HADHB: variants seen among roughly 807,000 people sequenced by gnomAD.
HADHB encodes trifunctional enzyme subunit beta, mitochondrial.
HADHB carries 50 observed loss-of-function variants against 61.9 expected under a neutral mutation model. The ratio of observed to expected loss-of-function variants is 0.81; its 90% CI spans 0.64 to 1.02. The LOEUF (loss-of-function observed/expected upper bound fraction) is 1.02. Among genes scored for constraint, HADHB ranks in the 50% least tolerant of loss-of-function variants. HADHB has a pLI of 0.00. For missense variants in HADHB, 504 were observed against 586.5 expected (o/e 0.86, Z 1.45); for synonymous variants, 191 against 201.6 (o/e 0.95, Z 0.45).
intron 6 of HADHB, 122 bp from the exon 7 acceptor site, chr2:26,276,951 T>C: frequency 1.5e-6 from 1 of 685,956 alleles, no homozygotes; most frequent in Non-Finnish European, 2.7e-6. Context: ...ATTTTAAATA[T>C]TGCTCTGGAG....
intron 5 of HADHB, among the ~76,000 whole-genome samples, chr2:26,273,184 T>C (rs1158139581): frequency 6.6e-6 from 1 of 152,142 alleles, no homozygotes; most frequent in East Asian, 1.9e-4. Context: ...ACAACTAGAA[T>C]ATATGTATTA....
chr2:26,258,375 G>A (rs1227694259), intron 3 of HADHB, among the ~76,000 whole-genome samples: 1 of 152,196 alleles, frequency 6.6e-6, no homozygotes, highest in Non-Finnish European at 1.5e-5. Context: ...AGCTCTATTA[G>A]AAGCCATGGG....
chr2:26,271,584 A>G (rs1411915204), intron 5 of HADHB, among the ~76,000 whole-genome samples: 2 of 152,172 alleles, frequency 1.3e-5, no homozygotes, highest in East Asian at 1.9e-4. Context: ...GTGTTTTGCA[A>G]GTTTCATTCC....
chr2:26,264,213 A>G lies in HADHB; in HGVS notation c.209+734A>G, dbSNP rs1464944790. On this transcript the variant is annotated intron_variant, in intron 4 of 15. Coordinates refer to ENST00000317799, the MANE Select transcript of HADHB (RefSeq NM_000183.3). ...AGAATGAGACCTATCTTTATATACT[A>G]ATATGGAAGACCTAAGATCTTGAAG... Among the ~76,000 whole-genome samples, 3 of 152,064 alleles carry G rather than the reference A, an allele frequency of 2.0e-5. No individual in the cohort carries two copies. In the East Asian group the frequency reaches 5.8e-4, roughly 29 times the overall value.
At chr2:26,279,871 C>T in intron 9 of HADHB, 123 bp from the exon 10 acceptor site, 2 of 715,638 alleles carry the variant, frequency 2.8e-6, no homozygotes, top group Non-Finnish European at 4.8e-6. Context: ...AAACACTTTC[C>T]TTCTAGTGAA....
chr2:26,268,372 C>A (rs1424374359), intron 4 of HADHB, among the ~76,000 whole-genome samples: 1 of 152,194 alleles, frequency 6.6e-6, no homozygotes, highest in Non-Finnish European at 1.5e-5. Context: ...GAACTTAATT[C>A]TCCCCTCAGA....
chr2:26,285,650 C>G (rs1672994350), intron 15 of HADHB, 79 bp downstream of exon 15: 1 of 1,225,990 alleles, frequency 8.2e-7, no homozygotes, highest in Non-Finnish European at 1.2e-6. Context: ...TAGTTTGAAA[C>G]CTTCTTAAAG....
rs764130046 is a variant in HADHB, at chr2:26,264,865, C to T, written c.209+1386C>T. 2.4e-4 allele frequency among the ~76,000 whole-genome samples: 36 copies of T among 151,610 alleles called. 1 individual carries two copies. The highest frequency in any genetic ancestry group is 1.6e-3 in the Admixed American group (25 of 15,212). On this transcript the variant is annotated intron_variant, in intron 4 of 15. Coordinates refer to ENST00000317799, the MANE Select transcript of HADHB (RefSeq NM_000183.3). Reference sequence around the variant, plus strand: ...ATTAGCTGGGTGTAGTGGTATGCACCTCTAGTCCCAGCTACTCGAGACACT... The same window carrying T: ...ATTAGCTGGGTGTAGTGGTATGCACTTCTAGTCCCAGCTACTCGAGACACT...
At chr2:26,252,738 AT>A (rs1159301810) in intron 1 of HADHB, among the ~76,000 whole-genome samples, 1 of 151,962 alleles carries the variant, frequency 6.6e-6, no homozygotes, top group Non-Finnish European at 1.5e-5. Context: ...CCATTTTCCT[AT>A]TTTTTGGTTA....
chr2:26,263,331 C>G, intron 3 of HADHB, 49 bp from the exon 4 acceptor site: 83 of 1,016,852 alleles, frequency 8.2e-5, no homozygotes, highest in Non-Finnish European at 1.2e-4. Flanking sequence ...AGTCATCAGA[C>G]TTTATATATT....
At chr2:26,285,635 T>C (rs1280324278) in intron 15 of HADHB, 64 bp downstream of exon 15, 4 of 1,377,782 alleles carry the variant, frequency 2.9e-6, no homozygotes, top group Non-Finnish European at 3.1e-6. Context: ...CTAGAATGTA[T>C]GATTTAGTTT....
intron 7 of HADHB, 106 bp downstream of exon 7, chr2:26,277,266 C>T: frequency 1.6e-6 from 1 of 613,522 alleles, no homozygotes; most frequent in Non-Finnish European, 2.9e-6. Context: ...AACACAGAAC[C>T]TCACTCTGTC....
intron 7 of HADHB, among the ~76,000 whole-genome samples, chr2:26,278,116 C>G (rs1382544221): frequency 6.6e-6 from 1 of 152,208 alleles, no homozygotes; most frequent in East Asian, 1.9e-4. Context: ...GGGAATGATG[C>G]CCGTGACTGG....
chr2:26,251,248 C>T (rs570421405), intron 1 of HADHB, among the ~76,000 whole-genome samples: 72 of 152,044 alleles, frequency 4.7e-4, no homozygotes, highest in African/African-American at 1.6e-3. Context: ...AGTACAGTAG[C>T]GTGATCATGG....
At chr2:26,247,097 G>A (rs1445623664) in intron 1 of HADHB, among the ~76,000 whole-genome samples, 11 of 152,176 alleles carry the variant, frequency 7.2e-5, no homozygotes, top group Admixed American at 6.5e-4. Context: ...ATAATGAGCT[G>A]TTAGAGCCAC....
rs557909835 is a variant in HADHB, at chr2:26,287,512, C to G, written c.1389+1941C>G. On this transcript the variant is annotated intron_variant, in intron 15 of 15. Coordinates refer to ENST00000317799, the MANE Select transcript of HADHB (RefSeq NM_000183.3). ...AGATTTGAGTATGTGTTCCCTAATTCTTTATCTAGCATGTAGAGTATAAAT... is the reference window on the plus strand; with the variant it reads ...AGATTTGAGTATGTGTTCCCTAATTGTTTATCTAGCATGTAGAGTATAAAT... Among the ~76,000 whole-genome samples, 4 of 152,292 alleles carry G rather than the reference C, an allele frequency of 2.6e-5. No homozygotes were observed. In the South Asian group the frequency reaches 8.3e-4, roughly 32 times the overall value.
At chr2:26,249,920 T>A (rs868560725) in intron 1 of HADHB, among the ~76,000 whole-genome samples, 1 of 152,140 alleles carries the variant, frequency 6.6e-6, no homozygotes, top group Non-Finnish European at 1.5e-5. Context: ...TTCAATCCCA[T>A]GTAAGCCACA....
rs114063769 is a variant in HADHB, at chr2:26,268,630, A to G, written c.210-1323A>G. Among the ~76,000 whole-genome samples the G allele has an allele frequency of 7.8e-3, 1,184 of 152,324 alleles. 11 individuals are homozygous for G. Among genetic ancestry groups the G allele is most frequent in the African/African-American group, 0.026 (1,086 of 41,568 alleles). On this transcript the variant is annotated intron_variant, in intron 4 of 15. Coordinates refer to ENST00000317799, the MANE Select transcript of HADHB (RefSeq NM_000183.3). ...TTCAAAAGTGTCAAGGTCATGAAAG[A>G]CAAGGAAGACTGAGAAACTGTCACA... is the stretch of plus-strand genomic sequence containing the variant.
Position 26,263,474 on chromosome 2 carries a change from C to T in HADHB, c.204C>T (p.Gly68=), listed in dbSNP as rs187910491. The T allele has an allele frequency of 1.9e-6, 3 of 1,579,650 alleles. No homozygotes were observed. The highest frequency in any genetic ancestry group is 4.5e-5 in the East Asian group (2 of 44,700). ...TTCGCACTCCATTTTTGCTGTCTGGCACTTCGTAAGTATGACATGATCATA... is the reference window on the plus strand; with the variant it reads ...TTCGCACTCCATTTTTGCTGTCTGGTACTTCGTAAGTATGACATGATCATA... ...DGVRTPFLLS[G]TSYKDLMPHD... The change falls in exon 4 of 16, where the codon GGC becomes GGT. Residue 68 remains glycine (G), a synonymous_variant. Coordinates refer to ENST00000317799, the MANE Select transcript of HADHB (RefSeq NM_000183.3).
Sources: gnomAD v4.1 joint callset for allele counts (sites outside exome capture counted in the v4.1 genomes callset) on GRCh38, gnomAD v4.1.1 for gene constraint, MANE v1.5 for transcripts, NCBI Gene and HGNC (gene_info 2026-07-23, HGNC 2026-07-21) for gene names.